KLRG1: variants seen among roughly 807,000 people sequenced by gnomAD.
The protein encoded by KLRG1 is killer cell lectin like receptor G1, also known as killer cell lectin-like receptor subfamily G member 1.
In KLRG1, 16 loss-of-function variants were observed where a neutral mutation model predicts 21.8. The observed-to-expected ratio is 0.73, with a 90% CI of 0.50 to 1.11. KLRG1 has a LOEUF of 1.11. Among genes scored for constraint, KLRG1 ranks in the 50% most tolerant of loss-of-function variants. The pLI, the probability that KLRG1 is intolerant of heterozygous loss-of-function variation, is 0.00. For missense variants in KLRG1, 173 were observed against 218.3 expected (o/e 0.79, Z 1.31); for synonymous variants, 69 against 75.9 (o/e 0.91, Z 0.47).
chr12:9,192,360 G>C, the KLRG1 span: 1 of 1,322,610 alleles, frequency 7.6e-7, no homozygotes, highest in Non-Finnish European at 1.1e-6. Flanking sequence ...GTGCTGGAGA[G>C]AATCAACCTC....
chr12:9,209,149 T>C, the KLRG1 span, among the ~76,000 whole-genome samples: 2 of 152,136 alleles, frequency 1.3e-5, no homozygotes, highest in Non-Finnish European at 2.9e-5. Context: ...CTCATAGAAC[T>C]TGTAGTACAA....
At chr12:9,057,798 T>C in the KLRG1 span, 1 of 152,344 alleles carries the variant, frequency 6.6e-6, no homozygotes, top group African/African-American at 2.4e-5. Context: ...CTTCATCCTT[T>C]GAAAGATAAT....
the KLRG1 span, among the ~76,000 whole-genome samples, chr12:9,189,019 T>A: frequency 1.3e-5 from 2 of 151,724 alleles, no homozygotes; most frequent in African/African-American, 4.8e-5. Flanking sequence ...ATGGAAAAAA[T>A]ATTCCATGCT....
At chr12:9,109,948 G>GCT in the KLRG1 span, 1 of 1,614,038 alleles carries the variant, frequency 6.2e-7, no homozygotes, top group Non-Finnish European at 8.5e-7. Context: ...CCCTGGAAGG[G>GCT]CTCTGATGAG....
chr12:9,036,871 C>A, the KLRG1 span: 1 of 418,220 alleles, frequency 2.4e-6, no homozygotes, highest in South Asian at 2.1e-5. Flanking sequence ...TCAAAGCTGA[C>A]AAGGAATAAC....
At chr12:9,048,170 G>C in the KLRG1 span, among the ~76,000 whole-genome samples, 1 of 152,232 alleles carries the variant, frequency 6.6e-6, no homozygotes, top group African/African-American at 2.4e-5. Context: ...AACAAAGTAT[G>C]TGCTCAGAAA....
chr12:9,149,477 G>T, the KLRG1 span: 2 of 1,356,142 alleles, frequency 1.5e-6, no homozygotes, highest in Non-Finnish European at 2.0e-6. Context: ...TGTAGGAAAA[G>T]CCTTGTAGAG....
intron 3 of KLRG1, among the ~76,000 whole-genome samples, chr12:9,002,250 C>G (rs930705532): frequency 6.6e-6 from 1 of 152,024 alleles, no homozygotes; most frequent in African/African-American, 2.4e-5. Context: ...TACATACATT[C>G]TGTAAACCAT....
chr12:9,202,898 T>C, the KLRG1 span, among the ~76,000 whole-genome samples: 2 of 152,096 alleles, frequency 1.3e-5, no homozygotes, highest in Non-Finnish European at 2.9e-5. Flanking sequence ...CTCCATGGAG[T>C]TCACCTAGAG....
At chr12:9,174,511 A>G in the KLRG1 span, among the ~76,000 whole-genome samples, 1 of 152,236 alleles carries the variant, frequency 6.6e-6, no homozygotes, top group Non-Finnish European at 1.5e-5. Flanking sequence ...GTATTCGAAT[A>G]GGAAGAGAGA....
At chr12:9,110,472 A>T in the KLRG1 span, 1 of 503,598 alleles carries the variant, frequency 2.0e-6, no homozygotes, top group Non-Finnish European at 3.4e-6. Context: ...ATTTAAAAAT[A>T]ACTAAAAGTA....
chr12:9,127,422 A>T, the KLRG1 span, among the ~76,000 whole-genome samples: 1 of 152,134 alleles, frequency 6.6e-6, no homozygotes, highest in Admixed American at 6.5e-5. Context: ...CACAAAACCC[A>T]CTCATAGCAC....
the KLRG1 span, chr12:9,028,891 T>G: frequency 1.6e-6 from 1 of 639,272 alleles, no homozygotes; most frequent in East Asian, 3.5e-5. Context: ...CGCATCCACC[T>G]CCTCCATAGT....
At chr12:9,211,896 A>G in the KLRG1 span, among the ~76,000 whole-genome samples, 1 of 152,188 alleles carries the variant, frequency 6.6e-6, no homozygotes, top group African/African-American at 2.4e-5. Flanking sequence ...CTGGGGCTCT[A>G]GTAGGCTTAG....
upstream of KLRG1, among the ~76,000 whole-genome samples, chr12:8,985,587 A>G (rs2080116): frequency 0.35 from 52,936 of 152,064 alleles, 10,613 homozygotes; most frequent in South Asian, 0.44. Flanking sequence ...GATTTCCACA[A>G]CTTCCCCTTT....
chr12:9,115,528 C>A, the KLRG1 span: 2 of 404,218 alleles, frequency 4.9e-6, no homozygotes, highest in Non-Finnish European at 9.0e-6. Context: ...TTTTAAAAAG[C>A]TAAAAATTTC....
the KLRG1 span, chr12:9,109,924 C>T: frequency 6.8e-6 from 11 of 1,613,870 alleles, no homozygotes; most frequent in East Asian, 1.1e-4. Flanking sequence ...TTCTGTACCA[C>T]CACCTTGTAG....
chr12:9,101,168 C>A, the KLRG1 span: 2 of 1,561,396 alleles, frequency 1.3e-6, no homozygotes, highest in African/African-American at 1.4e-5. Context: ...ACAAGCAGTC[C>A]ATGAGTCCCA....
At chr12:9,106,357 G>T in the KLRG1 span, 1 of 1,568,208 alleles carries the variant, frequency 6.4e-7, no homozygotes, top group Non-Finnish European at 8.7e-7. Context: ...TGAAAAAAGA[G>T]AAAAAAATCT....
Sources: allele counts gnomAD v4.1 joint callset (sites outside exome capture counted in the v4.1 genomes callset), GRCh38; gene constraint gnomAD v4.1.1; transcripts MANE v1.5; gene names NCBI Gene and HGNC (gene_info 2026-07-23, HGNC 2026-07-21).